XPR1: variants seen among roughly 807,000 people sequenced by gnomAD.
XPR1 encodes the protein solute carrier family 53 member 1.
Under a neutral mutation model 87.5 loss-of-function variants are expected in XPR1, and 28 were observed. The observed-to-expected ratio is 0.32, with a 90% confidence interval of 0.24 to 0.44. The LOEUF is 0.44. Among genes scored for constraint, XPR1 ranks in the 20% least tolerant of loss-of-function variants. The pLI, the probability that XPR1 is intolerant of heterozygous loss-of-function variation, is 1.00. For missense variants in XPR1, 559 were observed against 862.3 expected, an observed-to-expected ratio of 0.65 and a Z score of 4.41; for synonymous variants, 300 against 306.1, an observed-to-expected ratio of 0.98 and a Z score of 0.21.
intron 1 of XPR1, among the ~76,000 whole-genome samples, chr1:180,646,802 A>C (rs1247134108): frequency 1.3e-5 from 2 of 152,196 alleles, no homozygotes; most frequent in East Asian, 3.8e-4. Flanking sequence ...TGGGTGGGCC[A>C]TGCATGGACT....
At chr1:180,823,924 A>C (rs1262818147) in intron 7 of XPR1, among the ~76,000 whole-genome samples, 1 of 152,262 alleles carries the variant, frequency 6.6e-6, no homozygotes, top group African/African-American at 2.4e-5. Context: ...TGCTTAGCAC[A>C]TAGTAAGCAT....
At chr1:180,671,548 G>A (rs929480809) in intron 1 of XPR1, among the ~76,000 whole-genome samples, 11 of 151,890 alleles carry the variant, frequency 7.2e-5, no homozygotes, top group African/African-American at 2.2e-4. Context: ...TTTTTGAGAC[G>A]GAGTCTCGTC....
Position 180,817,296 on chromosome 1 carries a change from AAG to A in XPR1, c.763+5810_763+5811del, listed in dbSNP as rs143656383. 0.022 allele frequency among the ~76,000 whole-genome samples: 3,332 copies of A among 152,214 alleles called. 409 individuals carry two copies. The East Asian group carries it at 0.36, about 17-fold the overall frequency. On this transcript the variant is annotated intron_variant, in intron 7 of 14. Transcript: ENST00000367590. ...GCTAAGGTTAATTTATTATTGAAGA[AAG>A]AAAAAAATTTTTTTATAAATTCAGT...
chr1:180,756,173 A>G (rs1647730071), intron 2 of XPR1, among the ~76,000 whole-genome samples: 1 of 148,748 alleles, frequency 6.7e-6, no homozygotes. Context: ...AAATCCAATC[A>G]GGAGGAATCA....
chr1:180,731,561 C>G (rs996553484), intron 2 of XPR1, among the ~76,000 whole-genome samples: 1 of 152,286 alleles, frequency 6.6e-6, no homozygotes, highest in African/African-American at 2.4e-5. Flanking sequence ...ATACAAGTGT[C>G]AAGCTTTAAC....
At chr1:180,840,893 A>G (rs1455961449) in intron 11 of XPR1, among the ~76,000 whole-genome samples, 1 of 152,048 alleles carries the variant, frequency 6.6e-6, no homozygotes, top group East Asian at 1.9e-4. Context: ...GAGCAGGCAT[A>G]CATTCAGCAA....
intron 2 of XPR1, among the ~76,000 whole-genome samples, chr1:180,773,354 T>A (rs1327558574): frequency 6.6e-6 from 1 of 152,152 alleles, no homozygotes; most frequent in Non-Finnish European, 1.5e-5. Flanking sequence ...CTATATAGGT[T>A]GAGATATCAG....
intron 2 of XPR1, among the ~76,000 whole-genome samples, chr1:180,740,866 C>G (rs1357130145): frequency 6.6e-6 from 1 of 152,140 alleles, no homozygotes; most frequent in Non-Finnish European, 1.5e-5. Flanking sequence ...CTTTCTGGCC[C>G]CTAGATGACT....
chr1:180,705,950 G>A (rs1257932724), intron 2 of XPR1, among the ~76,000 whole-genome samples: 1 of 152,164 alleles, frequency 6.6e-6, no homozygotes, highest in Non-Finnish European at 1.5e-5. Context: ...TTGAAGCATG[G>A]TTAACATTTA....
intron 2 of XPR1, among the ~76,000 whole-genome samples, chr1:180,779,825 G>T (rs1357358008): frequency 1.3e-5 from 2 of 151,654 alleles, no homozygotes; most frequent in African/African-American, 2.4e-5. Flanking sequence ...ATCCCTCCCC[G>T]CTCCTCCTAC....
rs1281956408 is a variant in XPR1, at chr1:180,885,756, A to C, written c.*1690A>C. 6.6e-6 allele frequency: 1 copy of C among 152,254 alleles called. No individual in the cohort carries two copies. The highest frequency in any genetic ancestry group is 1.5e-5 in the Non-Finnish European group (1 of 68,038). The allele number at this position is 152,254 out of a possible 1,614,324, so 9.4% of individuals were successfully genotyped here. On this transcript the variant is annotated 3_prime_UTR_variant, in exon 15 of 15. Coordinates refer to ENST00000367590, the MANE Select transcript of XPR1 (RefSeq NM_004736.4). ...GAAGGGCAGCTATTACCATTCGCTT[A>C]GTCAAAACATTCGGTTACTGCCCTT...
intron 2 of XPR1, among the ~76,000 whole-genome samples, chr1:180,703,325 G>A (rs1657425090): frequency 6.6e-6 from 1 of 152,092 alleles, no homozygotes; most frequent in Admixed American, 6.6e-5. Context: ...GAGTGGGCTT[G>A]TCTTCAGTTC....
At chr1:180,663,920 A>G (rs189182297) in intron 1 of XPR1, among the ~76,000 whole-genome samples, 8 of 152,144 alleles carry the variant, frequency 5.3e-5, no homozygotes, top group African/African-American at 1.2e-4. Context: ...CACCAACACT[A>G]TAGGGCCACA....
At chr1:180,651,674 C>T (rs1655295741) in intron 1 of XPR1, among the ~76,000 whole-genome samples, 1 of 152,060 alleles carries the variant, frequency 6.6e-6, no homozygotes, top group African/African-American at 2.4e-5. Flanking sequence ...GTGTATTAGC[C>T]TGCAGATAAT....
chr1:180,765,942 G>C (rs1213071754), intron 2 of XPR1, among the ~76,000 whole-genome samples: 1 of 151,718 alleles, frequency 6.6e-6, no homozygotes, highest in African/African-American at 2.4e-5. Context: ...AAGACAGTCA[G>C]TTCTTTGGTG....
At chr1:180,852,537 A>G (rs973673459) in intron 11 of XPR1, among the ~76,000 whole-genome samples, 1 of 152,088 alleles carries the variant, frequency 6.6e-6, no homozygotes, top group African/African-American at 2.4e-5. Flanking sequence ...CCACAGTCAC[A>G]TAACTCTTAT....
intron 1 of XPR1, among the ~76,000 whole-genome samples, chr1:180,641,753 A>T (rs767270469): frequency 4.6e-5 from 7 of 152,202 alleles, no homozygotes; most frequent in Non-Finnish European, 8.8e-5. Context: ...TCTGTTTTAC[A>T]AATGAATAAA....
At chr1:180,770,599 T>C (rs187388846) in intron 2 of XPR1, among the ~76,000 whole-genome samples, 33 of 152,312 alleles carry the variant, frequency 2.2e-4, no homozygotes, top group African/African-American at 7.0e-4. Flanking sequence ...TATCCAACAT[T>C]TTTAGATGTT....
chr1:180,805,071 TTGGGGG>T, intron 4 of XPR1, among the ~76,000 whole-genome samples: 1 of 152,298 alleles, frequency 6.6e-6, no homozygotes, highest in South Asian at 2.1e-4. Context: ...CTTCTATTCT[TTGGGGG>T]TCATCTATTC....
Sources: gnomAD v4.1 joint callset for allele counts (sites outside exome capture counted in the v4.1 genomes callset) on GRCh38, gnomAD v4.1.1 for gene constraint, MANE v1.5 for transcripts, NCBI Gene and HGNC (gene_info 2026-07-23, HGNC 2026-07-21) for gene names.